Variants in STPG2 observed in about 807,000 individuals in gnomAD.
The protein encoded by STPG2 is sperm-tail PG-rich repeat-containing protein 2.
STPG2 carries 56 observed loss-of-function variants against 54.2 expected under a neutral mutation model. The observed-to-expected ratio is 1.03, with a 90% CI of 0.83 to 1.29. STPG2 has a LOEUF of 1.29. STPG2 is among the 50% of genes most tolerant of loss of function. STPG2 has a pLI of 0.00. For missense variants in STPG2, 596 were observed against 544.9 expected (o/e 1.09, Z -0.93); for synonymous variants, 200 against 181.8 (o/e 1.10, Z -0.81).
At chr4:97,991,389 GTA>G (rs1442119175) in intron 5 of STPG2, among the ~76,000 whole-genome samples, 15 of 148,974 alleles carry the variant, frequency 1.0e-4, no homozygotes, top group African/African-American at 3.7e-4. Context: ...ATATATATGT[GTA>G]TATATATGTG....
intron 4 of STPG2, among the ~76,000 whole-genome samples, chr4:97,463,093 T>C (rs1466942745): frequency 6.6e-6 from 1 of 152,182 alleles, no homozygotes; most frequent in Non-Finnish European, 1.5e-5. Flanking sequence ...TGTATGCAAA[T>C]GTGGTAAATT....
chr4:98,096,194 A>G (rs1298755658), intron 5 of STPG2, among the ~76,000 whole-genome samples: 1 of 152,184 alleles, frequency 6.6e-6, no homozygotes, highest in Non-Finnish European at 1.5e-5. Context: ...CAGAAGTTTA[A>G]GACCAGCCTG....
intron 10 of STPG2, among the ~76,000 whole-genome samples, chr4:97,598,857 A>G (rs1164099373): frequency 6.6e-6 from 1 of 152,144 alleles, no homozygotes; most frequent in Non-Finnish European, 1.5e-5. Flanking sequence ...TGGACATGGA[A>G]CCTGGCAAAG....
chr4:97,496,575 G>A (rs933517066), intron 4 of STPG2, among the ~76,000 whole-genome samples: 6 of 151,904 alleles, frequency 3.9e-5, no homozygotes, highest in Admixed American at 3.9e-4. Flanking sequence ...CTAGAAGGTA[G>A]CAAGAAAACA....
chr4:98,040,269 T>C (rs1373693171), intron 5 of STPG2, among the ~76,000 whole-genome samples: 1 of 151,996 alleles, frequency 6.6e-6, no homozygotes, highest in Non-Finnish European at 1.5e-5. Flanking sequence ...ATTCTGCAAG[T>C]TGTCTGTTCA....
Position 97,748,249 on chromosome 4 carries a change from C to T in STPG2, c.1205-35435G>A, listed in dbSNP as rs182320606. Among the ~76,000 whole-genome samples, 357 of 151,522 alleles carry T rather than the reference C, an allele frequency of 2.4e-3. 2 individuals are homozygous for T. Among genetic ancestry groups the T allele is most frequent in the Non-Finnish European group, 3.1e-3 (210 of 67,576 alleles). ...ACTGCTATGAGGAAGATAAACTCTT[C>T]AAAAATACAAATGTTAAGATGTGTC... On this transcript the variant is annotated intron_variant, in intron 9 of 10. Coordinates refer to ENST00000295268, the MANE Select transcript of STPG2 (RefSeq NM_174952.3).
At chr4:98,022,248 A>G (rs13127930) in intron 5 of STPG2, among the ~76,000 whole-genome samples, 5,810 of 151,466 alleles carry the variant, frequency 0.038, 145 homozygotes, top group East Asian at 0.049. Context: ...GCTTGTCTGT[A>G]AAGTATTTTA....
chr4:97,844,442 C>A (rs1728888681), intron 8 of STPG2, among the ~76,000 whole-genome samples: 2 of 152,004 alleles, frequency 1.3e-5, no homozygotes, highest in Admixed American at 6.6e-5. Context: ...AATAGTTTTA[C>A]TAAATATAGA....
intron 7 of STPG2, among the ~76,000 whole-genome samples, chr4:97,965,504 G>A (rs1001710336): frequency 6.6e-5 from 10 of 152,136 alleles, no homozygotes; most frequent in African/African-American, 1.2e-4. Flanking sequence ...TCCCAGCATG[G>A]CATTTGAACT....
intron 9 of STPG2, among the ~76,000 whole-genome samples, chr4:97,782,813 A>G (rs146239010): frequency 6.6e-6 from 1 of 152,098 alleles, no homozygotes; most frequent in Non-Finnish European, 1.5e-5. Context: ...AAACCTGACA[A>G]AAACAAGAAA....
chr4:98,008,549 G>T (rs916407701), intron 5 of STPG2, among the ~76,000 whole-genome samples: 4 of 146,006 alleles, frequency 2.7e-5, no homozygotes, highest in Non-Finnish European at 4.5e-5. Flanking sequence ...AAACTCACAG[G>T]TTTTATAAAT....
intron 10 of STPG2, among the ~76,000 whole-genome samples, chr4:97,672,333 C>G (rs1722725552): frequency 8.1e-6 from 1 of 123,652 alleles, no homozygotes; most frequent in Non-Finnish European, 1.7e-5. Flanking sequence ...ACCACCACAC[C>G]CAGCTAATTT....
chr4:97,526,003 AC>A (rs1409596757), intron 4 of STPG2, among the ~76,000 whole-genome samples: 2 of 152,152 alleles, frequency 1.3e-5, no homozygotes, highest in African/African-American at 2.4e-5. Flanking sequence ...AAGTCACCAG[AC>A]ATTCTTAAAC....
intron 3 of STPG2, among the ~76,000 whole-genome samples, chr4:98,118,442 G>C (rs1249073447): frequency 6.6e-6 from 1 of 152,096 alleles, no homozygotes; most frequent in East Asian, 1.9e-4. Flanking sequence ...GATAATGGGA[G>C]CTAGGTTTCT....
intron 8 of STPG2, among the ~76,000 whole-genome samples, chr4:97,892,298 A>T (rs1479861306): frequency 6.6e-6 from 1 of 152,044 alleles, no homozygotes; most frequent in East Asian, 1.9e-4. Context: ...GTCCATACTG[A>T]CTTGTCCCCT....
At chr4:97,948,774 G>A (rs1329435370) in intron 7 of STPG2, among the ~76,000 whole-genome samples, 2 of 151,990 alleles carry the variant, frequency 1.3e-5, no homozygotes, top group Non-Finnish European at 2.9e-5. Flanking sequence ...GATCTGAGAA[G>A]ATACTTGCTA....
chr4:97,819,696 T>C (rs553849602), intron 9 of STPG2, among the ~76,000 whole-genome samples: 22 of 152,100 alleles, frequency 1.4e-4, no homozygotes, highest in Non-Finnish European at 2.6e-4. Flanking sequence ...ATTTAATATT[T>C]TAACATTTAA....
chr4:97,932,664 G>T (rs1468674820), intron 8 of STPG2, among the ~76,000 whole-genome samples: 1 of 152,122 alleles, frequency 6.6e-6, no homozygotes, highest in East Asian at 1.9e-4. Context: ...ATGGCTTCCA[G>T]CTCCATCCAT....
At chr4:97,504,342 T>A (rs1047464287) in intron 4 of STPG2, among the ~76,000 whole-genome samples, 1 of 151,436 alleles carries the variant, frequency 6.6e-6, no homozygotes, top group African/African-American at 2.4e-5. Flanking sequence ...CTAAAACTCA[T>A]CTATAGTTTA....
Sources: gnomAD v4.1 joint callset for allele counts (sites outside exome capture counted in the v4.1 genomes callset) on GRCh38, gnomAD v4.1.1 for gene constraint, MANE v1.5 for transcripts, NCBI Gene and HGNC (gene_info 2026-07-23, HGNC 2026-07-21) for gene names.